Variants in PCDHA4 observed in about 807,000 individuals in gnomAD.
The protein encoded by PCDHA4 is protocadherin alpha-4.
Under a neutral mutation model 61.4 loss-of-function variants are expected in PCDHA4, and 49 were observed. The observed-to-expected ratio is 0.80, with a 90% confidence interval of 0.63 to 1.01. The LOEUF (loss-of-function observed/expected upper bound fraction) is 1.01. Among genes scored for constraint, PCDHA4 ranks in the 50% least tolerant of loss-of-function variants. The pLI is 0.00. For synonymous variants in PCDHA4, 590 were observed against 550.3 expected (o/e 1.07, Z -1.01); for missense variants, 1,254 against 1,235.8 (o/e 1.01, Z -0.22).
rs149287754 is a variant in PCDHA4, at chr5:140,962,549, G to T, written c.2386-16400G>T. Reference sequence around the variant, plus strand: ...GTTTTTTAGAACTAAAAATGTAGAGGATCTCCCCCTAAAAGCCAATTGTTA... The same window carrying T: ...GTTTTTTAGAACTAAAAATGTAGAGTATCTCCCCCTAAAAGCCAATTGTTA... On this transcript the variant is annotated intron_variant, in intron 1 of 3. Coordinates refer to ENST00000530339, the MANE Select transcript of PCDHA4 (RefSeq NM_018907.4). 1.3e-3 allele frequency among the ~76,000 whole-genome samples: 202 copies of T among 152,208 alleles called. 3 individuals carry two copies. The highest frequency in any genetic ancestry group is 4.3e-4 in the Non-Finnish European group (29 of 68,014).
At chr5:140,835,904 C>G in intron 1 of PCDHA4, 2 of 1,612,180 alleles carry the variant, frequency 1.2e-6, no homozygotes, top group Non-Finnish European at 1.7e-6. Flanking sequence ...TGTCGAGCTA[C>G]GTGTCAGTGC....
chr5:140,925,108 G>GGAAGGAAGGAAGGAAGGAAGGAA (rs1554202548), intron 1 of PCDHA4, among the ~76,000 whole-genome samples: 19 of 124,700 alleles, frequency 1.5e-4, no homozygotes, highest in Middle Eastern at 4.0e-3. Context: ...GAAGGAAGGA[G>GGAAGGAAGGAAGGAAGGAAGGAA]GGAAGGAAGG....
chr5:140,998,746 A>C (rs1473770059), intron 3 of PCDHA4, among the ~76,000 whole-genome samples: 2 of 151,954 alleles, frequency 1.3e-5, no homozygotes, highest in Non-Finnish European at 2.9e-5. Context: ...GTATTTTTAG[A>C]AGAGACACAG....
rs2150283763 is a variant in PCDHA4 at position 140,838,077 on chromosome 5, AGTGTGTGTGTGTGTGTGT to A, written c.2385+28542_2385+28559del. On this transcript the variant is annotated intron_variant, in intron 1 of 3. Coordinates refer to ENST00000530339, the MANE Select transcript of PCDHA4 (RefSeq NM_018907.4). ...TTTCCACTTTAAGTTATATATATAT[AGTGTGTGTGTGTGTGTGT>A]GTGTGTGTGTGTGTGTGTGTGTGTG... Among the ~76,000 whole-genome samples the A allele has an allele frequency of 8.8e-4, 71 of 80,700 alleles. No individual in the cohort carries two copies. The South Asian group carries it at 0.01, about 12-fold the overall frequency. The allele number at this position is 80,700 out of a possible 152,430, so 52.9% of individuals were successfully genotyped here. A position where few individuals can be genotyped will look rare whatever the true frequency, so the allele number is the denominator to read the frequency against.
chr5:140,885,044 T>G (rs187504984), intron 1 of PCDHA4, among the ~76,000 whole-genome samples: 1 of 152,360 alleles, frequency 6.6e-6, no homozygotes, highest in African/African-American at 2.4e-5. Context: ...TTTAGTTTAA[T>G]GTATACATAT....
intron 1 of PCDHA4, chr5:140,868,028 G>A (rs1380913243): frequency 2.0e-5 from 3 of 152,006 alleles, no homozygotes; most frequent in Non-Finnish European, 4.4e-5. Flanking sequence ...ACCAATGTTG[G>A]TGACTTGGAA....
At chr5:140,840,992 T>G (rs2150176652) in intron 1 of PCDHA4, among the ~76,000 whole-genome samples, 1 of 152,166 alleles carries the variant, frequency 6.6e-6, no homozygotes, top group African/African-American at 2.4e-5. Context: ...TAGCTGAAAC[T>G]AATGTAAGGA....
intron 3 of PCDHA4, among the ~76,000 whole-genome samples, chr5:140,998,936 A>G (rs1328813980): frequency 6.6e-5 from 10 of 152,246 alleles, no homozygotes; most frequent in African/African-American, 2.4e-4. Flanking sequence ...TTACAGATGA[A>G]GAAACTGTAA....
intron 1 of PCDHA4, chr5:140,856,806 A>G: frequency 1.3e-6 from 2 of 1,595,552 alleles, no homozygotes; most frequent in African/African-American, 1.3e-5. Context: ...ATGTATGAAA[A>G]TCAAGTGAAC....
intron 1 of PCDHA4, chr5:140,875,592 A>G: frequency 6.2e-7 from 1 of 1,613,992 alleles, no homozygotes; most frequent in Non-Finnish European, 8.5e-7. Flanking sequence ...AGGAGGCCAA[A>G]CACGGCACCT....
At chr5:140,874,161 A>G (rs1173333729) in intron 1 of PCDHA4, among the ~76,000 whole-genome samples, 1 of 152,042 alleles carries the variant, frequency 6.6e-6, no homozygotes, top group Non-Finnish European at 1.5e-5. Context: ...ATTCTTGGTT[A>G]CTCTTTCCTG....
chr5:140,877,432 C>A (rs782574302), intron 1 of PCDHA4: 1 of 1,613,874 alleles, frequency 6.2e-7, no homozygotes, highest in Non-Finnish European at 8.5e-7. Flanking sequence ...GGTGAAGGAC[C>A]ACGGTGAGCC....
intron 1 of PCDHA4, chr5:140,927,658 C>G (rs782350503): frequency 6.2e-7 from 1 of 1,614,094 alleles, no homozygotes; most frequent in East Asian, 2.2e-5. Context: ...ATTCCGAGTT[C>G]AAGCCTTGGA....
intron 1 of PCDHA4, among the ~76,000 whole-genome samples, chr5:140,958,989 A>C (rs2095457963): frequency 6.6e-6 from 1 of 152,064 alleles, no homozygotes; most frequent in Non-Finnish European, 1.5e-5. Flanking sequence ...TATTGTTGCT[A>C]ATCTTTTACT....
intron 1 of PCDHA4, chr5:140,843,224 C>A: frequency 6.3e-7 from 1 of 1,596,086 alleles, no homozygotes; most frequent in Non-Finnish European, 8.6e-7. Context: ...CAGCACCACT[C>A]GTGTCCTGGA....
intron 1 of PCDHA4, chr5:140,816,178 C>A (rs1368822444): frequency 6.6e-6 from 1 of 152,104 alleles, no homozygotes; most frequent in African/African-American, 2.4e-5. Flanking sequence ...ATTTCTTAGG[C>A]TTTCTTTACT....
chr5:141,000,359 CTG>C (rs1554257257), intron 3 of PCDHA4, among the ~76,000 whole-genome samples: 2 of 78,146 alleles, frequency 2.6e-5, no homozygotes, highest in South Asian at 4.6e-4. Context: ...CTGTCTCTCT[CTG>C]TCTCTCTCTC....
chr5:140,883,207 G>T (rs781883209), intron 1 of PCDHA4: 12 of 1,613,794 alleles, frequency 7.4e-6, no homozygotes, highest in East Asian at 2.2e-5. Context: ...TCGAAGAAAA[G>T]AAATTATATG....
chr5:141,006,436 A>G (rs2153987648), intron 3 of PCDHA4, among the ~76,000 whole-genome samples: 1 of 152,098 alleles, frequency 6.6e-6, no homozygotes, highest in African/African-American at 2.4e-5. Context: ...GATGGTCTCA[A>G]TCTCCTGACC....
Sources: gnomAD v4.1 joint callset for allele counts (sites outside exome capture counted in the v4.1 genomes callset) on GRCh38, gnomAD v4.1.1 for gene constraint, MANE v1.5 for transcripts, NCBI Gene and HGNC (gene_info 2026-07-23, HGNC 2026-07-21) for gene names.